The following TFEC variants were observed in gnomAD, a reference collection of about 807,000 sequenced individuals.
TFEC encodes the protein transcription factor EC.
TFEC carries 31 observed loss-of-function variants against 41.6 expected under a neutral mutation model. The ratio of observed to expected loss-of-function variants is 0.74; its 90% CI spans 0.56 to 1.01. TFEC has a LOEUF of 1.01. TFEC is among the 50% of genes least tolerant of loss of function. The probability of loss-of-function intolerance (pLI) is 0.00; values close to 1 mark genes in which losing one functional copy is unlikely to be tolerated. For missense variants in TFEC, 402 were observed against 404.1 expected (o/e 0.99, Z 0.04); for synonymous variants, 143 against 140.6 (o/e 1.02, Z -0.12).
At chr7:116,056,305 G>A (rs1332822146) in intron 3 of TFEC, among the ~76,000 whole-genome samples, 1 of 152,094 alleles carries the variant, frequency 6.6e-6, no homozygotes, top group African/African-American at 2.4e-5. Flanking sequence ...TCCTCGAGTT[G>A]AGTTGGTCTG....
intron 3 of TFEC, among the ~76,000 whole-genome samples, chr7:116,094,976 T>C (rs1797418066): frequency 6.6e-6 from 1 of 152,212 alleles, no homozygotes; most frequent in Non-Finnish European, 1.5e-5. Context: ...TTTAAATATA[T>C]ATGCCTGGGA....
At chr7:116,157,207 C>T (rs1250045341) in intron 1 of TFEC, 3 of 152,080 alleles carry the variant, frequency 2.0e-5, no homozygotes, top group Non-Finnish European at 4.4e-5. Context: ...CATAGCACTG[C>T]TCACATTTAT....
At chr7:116,131,879 G>T (rs1732852135) in intron 1 of TFEC, among the ~76,000 whole-genome samples, 1 of 152,186 alleles carries the variant, frequency 6.6e-6, no homozygotes. Flanking sequence ...GAATTGAGAT[G>T]AGCTTTTCCC....
At chr7:116,024,748 C>T (rs1048457071) in intron 1 of TFEC, among the ~76,000 whole-genome samples, 5 of 152,138 alleles carry the variant, frequency 3.3e-5, no homozygotes, top group Admixed American at 6.6e-5. Context: ...AAGAAGAGTA[C>T]TTCATGTTTT....
chr7:115,974,544 T>C (rs1055854381), intron 2 of TFEC, among the ~76,000 whole-genome samples: 1 of 148,250 alleles, frequency 6.7e-6, no homozygotes, highest in African/African-American at 2.5e-5. Context: ...GGCTGACAGG[T>C]GACAACTTGA....
At chr7:116,107,889 A>G (rs561304438) in intron 3 of TFEC, among the ~76,000 whole-genome samples, 13 of 152,188 alleles carry the variant, frequency 8.5e-5, no homozygotes, top group Non-Finnish European at 1.6e-4. Flanking sequence ...GAACTAGATT[A>G]TTGAAGAATT....
chr7:116,079,656 A>G (rs1219288127), intron 3 of TFEC, among the ~76,000 whole-genome samples: 2 of 152,122 alleles, frequency 1.3e-5, no homozygotes, highest in Non-Finnish European at 2.9e-5. Flanking sequence ...GAAAACTACA[A>G]AACACTGCTG....
intron 1 of TFEC, among the ~76,000 whole-genome samples, chr7:116,029,332 A>G (rs1795703902): frequency 6.6e-6 from 1 of 152,166 alleles, no homozygotes; most frequent in African/African-American, 2.4e-5. Flanking sequence ...AAAGTAAAAT[A>G]TTTAACATAA....
chr7:115,963,115 C>G (rs1792655460), intron 3 of TFEC, among the ~76,000 whole-genome samples: 1 of 151,310 alleles, frequency 6.6e-6, no homozygotes, highest in South Asian at 2.1e-4. Context: ...GGTTTTCTGT[C>G]CTTGTGATAG....
chr7:115,942,335 T>C (rs544292233), intron 6 of TFEC, among the ~76,000 whole-genome samples: 18 of 152,096 alleles, frequency 1.2e-4, no homozygotes, highest in East Asian at 1.9e-4. Flanking sequence ...TTAGTGAAAA[T>C]TGCTTTTATT....
At chr7:115,997,087 C>A (rs902300497) in intron 1 of TFEC, among the ~76,000 whole-genome samples, 1 of 152,152 alleles carries the variant, frequency 6.6e-6, no homozygotes, top group African/African-American at 2.4e-5. Flanking sequence ...TTGAGAGAAA[C>A]ATAAACAGTA....
intron 1 of TFEC, among the ~76,000 whole-genome samples, chr7:116,134,724 T>C (rs921892594): frequency 2.0e-5 from 3 of 152,146 alleles, no homozygotes; most frequent in Admixed American, 1.3e-4. Flanking sequence ...CTTTCTCTAA[T>C]TATACACATC....
chr7:115,942,040 A>G lies in TFEC; in HGVS notation c.516T>C (p.Pro172=). The part of the protein sequence containing the change: ...LGTLIPKSND[P]DMRWNKGTIL... ...TGGTTCCTTTGTTCCAGCGCATATCACTGTAGAATGGAGAGATAACCTTTT... is the reference window on the plus strand; with the variant it reads ...TGGTTCCTTTGTTCCAGCGCATATCGCTGTAGAATGGAGAGATAACCTTTT... Residue 172 remains proline, a splice_region_variant and synonymous_variant, in exon 7 of 8, where the codon CCT becomes CCC. Coordinates refer to ENST00000265440, the MANE Select transcript of TFEC (RefSeq NM_012252.4). 1 of 1,609,642 alleles carries G rather than the reference A, an allele frequency of 6.2e-7. No homozygotes were observed. The highest frequency in any genetic ancestry group is 8.5e-7 in the Non-Finnish European group (1 of 1,177,698).
At chr7:116,003,265 A>G (rs1304940056) in intron 1 of TFEC, among the ~76,000 whole-genome samples, 1 of 152,084 alleles carries the variant, frequency 6.6e-6, no homozygotes, top group Non-Finnish European at 1.5e-5. Flanking sequence ...AAAAAAAATT[A>G]AATAATTAAA....
intron 1 of TFEC, among the ~76,000 whole-genome samples, chr7:116,134,265 C>A (rs1344150781): frequency 6.6e-6 from 1 of 152,116 alleles, no homozygotes; most frequent in Non-Finnish European, 1.5e-5. Flanking sequence ...ACTAGAATGA[C>A]AGCTTTTATC....
At chr7:116,110,782 A>G in exon 3 of TFEC, 1 of 1,547,770 alleles carries the variant, frequency 6.5e-7, no homozygotes, top group Non-Finnish European at 8.7e-7. Context: ...ACTGGTTTGT[A>G]TGAAAACTGC....
At chr7:116,090,330 G>T (rs376909857) in intron 3 of TFEC, among the ~76,000 whole-genome samples, 1 of 152,086 alleles carries the variant, frequency 6.6e-6, no homozygotes, top group Non-Finnish European at 1.5e-5. Flanking sequence ...TCTCTAGGGG[G>T]CATTTGGACC....
At position 116,084,229 on chromosome 7, in the gene TFEC, C is replaced by T. The variant is rs149395963; in HGVS notation, c.198+26479G>A. Reference sequence around the variant, plus strand: ...CTTGGCCTTCCAGCATCTTTTCAAGCTTTGCCTAAAATATTTTCACTAGTT... The same window carrying T: ...CTTGGCCTTCCAGCATCTTTTCAAGTTTTGCCTAAAATATTTTCACTAGTT... On this transcript the variant is annotated intron_variant, in intron 3 of 8. Coordinates refer to the TFEC transcript ENST00000484212. 1.7e-3 allele frequency among the ~76,000 whole-genome samples: 261 copies of T among 151,964 alleles called. 1 individual carries two copies. The highest frequency in any genetic ancestry group is 6.0e-3 in the African/African-American group (250 of 41,516).
intron 1 of TFEC, among the ~76,000 whole-genome samples, chr7:116,152,590 T>C (rs1198646831): frequency 1.3e-5 from 2 of 152,200 alleles, no homozygotes; most frequent in African/African-American, 4.8e-5. Flanking sequence ...CTGGGAATGG[T>C]TATTTCCAAA....
Sources: allele counts gnomAD v4.1 joint callset (sites outside exome capture counted in the v4.1 genomes callset), GRCh38; gene constraint gnomAD v4.1.1; transcripts MANE v1.5; gene names NCBI Gene and HGNC (gene_info 2026-07-23, HGNC 2026-07-21).